The following SLC25A13 variants were observed in gnomAD, a reference collection of about 807,000 sequenced individuals.
SLC25A13 encodes the protein solute carrier family 25 member 13, also known as electrogenic aspartate/glutamate antiporter SLC25A13, mitochondrial.
SLC25A13 carries 70 observed loss-of-function variants against 85.5 expected under a neutral mutation model. That is an observed-to-expected ratio of 0.82 (90% CI 0.68 to 1.00). SLC25A13 has a LOEUF of 1.00. Ranked by LOEUF, SLC25A13 falls within the 50% of genes least tolerant of loss-of-function variation. SLC25A13 has a pLI of 0.00. For synonymous variants in SLC25A13, 259 were observed against 288.7 expected (o/e 0.90, Z 1.04); for missense variants, 765 against 819.8 (o/e 0.93, Z 0.82).
chr7:96,251,035 G>T (rs955533484), intron 3 of SLC25A13, among the ~76,000 whole-genome samples: 1 of 152,064 alleles, frequency 6.6e-6, no homozygotes, highest in African/African-American at 2.4e-5. Context: ...TCAAGTGTGT[G>T]GGAAAGAGGA....
At chr7:96,177,090 G>T (rs756934058) in intron 11 of SLC25A13, among the ~76,000 whole-genome samples, 24 of 152,268 alleles carry the variant, frequency 1.6e-4, no homozygotes, top group Non-Finnish European at 3.1e-4. Context: ...AAGACATAAT[G>T]CTTCTTTCTA....
intron 5 of SLC25A13, among the ~76,000 whole-genome samples, chr7:96,196,590 A>G (rs1217829913): frequency 6.6e-6 from 1 of 152,222 alleles, no homozygotes; most frequent in Non-Finnish European, 1.5e-5. Context: ...TTAAACATCT[A>G]TGAGCAGGGA....
rs1479984490 is a variant in SLC25A13 at position 96,311,747 on chromosome 7, AT to A, written c.15+10194del. 2.0e-5 allele frequency among the ~76,000 whole-genome samples: 3 copies of A among 151,932 alleles called. No homozygotes were observed. In the East Asian group the frequency reaches 5.8e-4, roughly 29 times the overall value. ...AAACTGAAGAGAAGAACTCAGACAA[AT>A]ATATATATATCTGCCCACCAATACA... On this transcript the variant is annotated intron_variant, in intron 1 of 17. Coordinates refer to ENST00000265631, the MANE Select transcript of SLC25A13 (RefSeq NM_014251.3).
rs546248549 is a variant in SLC25A13 at position 96,194,442 on chromosome 7, CAA to C, written c.469-1261_469-1260del. On this transcript the variant is annotated intron_variant, in intron 5 of 17. Coordinates refer to ENST00000265631, the MANE Select transcript of SLC25A13 (RefSeq NM_014251.3). ...TGGGTGACAGAGTGAAACCTTGTCT[CAA>C]AAAAAAAAAAAAAAAAAAAAAAAGG... Among the ~76,000 whole-genome samples the C allele has an allele frequency of 1.4e-3, 39 of 27,688 alleles. No homozygotes were observed. In the East Asian group the frequency reaches 0.015, roughly 11 times the overall value. The allele number at this position is 27,688 out of a possible 152,430, so 18.2% of individuals were successfully genotyped here.
chr7:96,321,871 G>A (rs1800359961), intron 1 of SLC25A13, 71 bp downstream of exon 1: 1 of 1,471,294 alleles, frequency 6.8e-7, no homozygotes, highest in African/African-American at 1.5e-5. Flanking sequence ...AGACACGTGA[G>A]CGCCCGAGCC....
chr7:96,136,667 T>C (rs1011283148), intron 14 of SLC25A13, among the ~76,000 whole-genome samples: 1 of 152,206 alleles, frequency 6.6e-6, no homozygotes, highest in Non-Finnish European at 1.5e-5. Context: ...TTTTGCATGC[T>C]AATTCCTGCT....
At chr7:96,221,624 C>T (rs905450565) in intron 4 of SLC25A13, among the ~76,000 whole-genome samples, 2 of 152,174 alleles carry the variant, frequency 1.3e-5, no homozygotes, top group African/African-American at 4.8e-5. Context: ...GTAAAGTCTG[C>T]CTTCTTCCAA....
intron 11 of SLC25A13, among the ~76,000 whole-genome samples, chr7:96,174,128 G>A (rs1476114348): frequency 6.6e-6 from 1 of 152,206 alleles, no homozygotes; most frequent in Non-Finnish European, 1.5e-5. Flanking sequence ...ACAGGTGGGA[G>A]CGCCTGTCCC....
intron 1 of SLC25A13, among the ~76,000 whole-genome samples, chr7:96,312,247 A>C (rs1799976564): frequency 6.6e-6 from 1 of 152,188 alleles, no homozygotes; most frequent in African/African-American, 2.4e-5. Flanking sequence ...TGTACCTCAA[A>C]GAACTTAACT....
At chr7:96,183,727 G>A (rs777312864) in intron 11 of SLC25A13, among the ~76,000 whole-genome samples, 1 of 152,174 alleles carries the variant, frequency 6.6e-6, no homozygotes, top group Non-Finnish European at 1.5e-5. Context: ...GGTGGAGAAA[G>A]AAGGATTACC....
intron 5 of SLC25A13, among the ~76,000 whole-genome samples, chr7:96,196,483 G>T (rs1189856699): frequency 1.3e-5 from 2 of 152,198 alleles, no homozygotes; most frequent in African/African-American, 4.8e-5. Flanking sequence ...ATTGGGAATG[G>T]ATGCCAAGGT....
Position 96,288,433 on chromosome 7 carries a change from G to T in SLC25A13, c.69+8465C>A, listed in dbSNP as rs567761384. 1.6e-4 allele frequency among the ~76,000 whole-genome samples: 25 copies of T among 152,304 alleles called. No individual in the cohort carries two copies. The East Asian group carries it at 4.5e-3, about 27-fold the overall frequency. On this transcript the variant is annotated intron_variant, in intron 2 of 17. Coordinates refer to ENST00000265631, the MANE Select transcript of SLC25A13 (RefSeq NM_014251.3). The stretch of plus-strand genomic sequence containing the variant: ...ATTGGACAGTGGGGGCAGGACAGTG[G>T]GTGCAGCCCACCAAGTGTGAGCCGA...
At chr7:96,312,696 A>G (rs1301314260) in intron 1 of SLC25A13, among the ~76,000 whole-genome samples, 1 of 152,186 alleles carries the variant, frequency 6.6e-6, no homozygotes, top group Non-Finnish European at 1.5e-5. Context: ...TGTACCCATG[A>G]ACACGGTAGT....
rs184809286 is a variant in SLC25A13 at position 96,233,098 on chromosome 7, A to T, written c.328+1704T>A. Among the ~76,000 whole-genome samples, 461 of 152,318 alleles carry T rather than the reference A, an allele frequency of 3.0e-3. 2 individuals are homozygous for T. Among genetic ancestry groups the T allele is most frequent in the Non-Finnish European group, 5.2e-3 (357 of 68,030 alleles). ...GAAGATGGATCTATATCAAGGAACTACCTGAAGCCCATTTCTCAGTCCTCT... is the reference window on the plus strand; with the variant it reads ...GAAGATGGATCTATATCAAGGAACTTCCTGAAGCCCATTTCTCAGTCCTCT... On this transcript the variant is annotated intron_variant, in intron 4 of 17. Transcript: ENST00000265631.
At chr7:96,192,960 C>T in intron 6 of SLC25A13, 77 bp downstream of exon 6, 3 of 1,500,392 alleles carry the variant, frequency 2.0e-6, no homozygotes, top group Non-Finnish European at 2.8e-6. Context: ...AAAAACACTA[C>T]ATAACTTATA....
intron 13 of SLC25A13, among the ~76,000 whole-genome samples, chr7:96,150,375 G>C (rs983628818): frequency 1.3e-5 from 2 of 152,026 alleles, no homozygotes; most frequent in African/African-American, 4.8e-5. Flanking sequence ...GGGTATTAAG[G>C]TGTTGCTTTG....
At chr7:96,229,118 C>T (rs896541209) in intron 4 of SLC25A13, among the ~76,000 whole-genome samples, 2 of 152,248 alleles carry the variant, frequency 1.3e-5, no homozygotes, top group Non-Finnish European at 2.9e-5. Flanking sequence ...GACTGATGGG[C>T]AGCTCCGCCC....
intron 5 of SLC25A13, among the ~76,000 whole-genome samples, chr7:96,195,568 C>T (rs1176505539): frequency 6.6e-6 from 1 of 152,124 alleles, no homozygotes; most frequent in Non-Finnish European, 1.5e-5. Context: ...CTGACTCCCT[C>T]CCCCTCCATG....
Position 96,146,610 on chromosome 7 carries a change from A to G in SLC25A13, c.1398T>C (p.Pro466=). 6.2e-7 allele frequency: 1 copy of G among 1,614,052 alleles called. No individual in the cohort carries two copies. The highest frequency in any genetic ancestry group is 8.5e-7 in the Non-Finnish European group (1 of 1,179,998). ...LQVAGEITTG[P]RVSALSVVRD... ...GCACGACAGACAGAGCACTGACTCG[A>G]GGACCAGTGGTGATTTCTCCTGCCA... The change falls in exon 14 of 18, where the codon CCT becomes CCC. Residue 466 remains proline (P), a synonymous_variant. Transcript: ENST00000265631.
Sources: allele counts gnomAD v4.1 joint callset (sites outside exome capture counted in the v4.1 genomes callset), GRCh38; gene constraint gnomAD v4.1.1; transcripts MANE v1.5; gene names NCBI Gene and HGNC (gene_info 2026-07-23, HGNC 2026-07-21).